Variants in SRL observed in about 807,000 individuals in gnomAD.
SRL encodes sarcalumenin.
SRL carries 23 observed loss-of-function variants against 39.5 expected under a neutral mutation model. The observed-to-expected ratio is 0.58, with a 90% CI of 0.42 to 0.82. SRL has a LOEUF of 0.82. Among genes scored for constraint, SRL ranks in the 40% least tolerant of loss-of-function variants. The pLI is 0.00. For missense variants in SRL, 592 were observed against 607.8 expected (o/e 0.97, Z 0.27); for synonymous variants, 272 against 237.4 (o/e 1.15, Z -1.34).
chr16:4,204,891 T>A (rs1160755899), intron 1 of SRL, among the ~76,000 whole-genome samples: 1 of 152,224 alleles, frequency 6.6e-6, no homozygotes, highest in African/African-American at 2.4e-5. Flanking sequence ...TTATTTCATA[T>A]ATTCAACAAA....
chr16:4,227,343 A>G (rs114481002), intron 1 of SRL, among the ~76,000 whole-genome samples: 3,170 of 149,842 alleles, frequency 0.021, 118 homozygotes, highest in African/African-American at 0.074. Flanking sequence ...GTGGATGGAC[A>G]GACAGATGGG....
At chr16:4,215,007 A>T (rs974285796) in intron 1 of SRL, among the ~76,000 whole-genome samples, 1 of 152,088 alleles carries the variant, frequency 6.6e-6, no homozygotes, top group Non-Finnish European at 1.5e-5. Context: ...ACCTCAGGTG[A>T]TCCACCCGCC....
chr16:4,217,072 G>C (rs2052469249), intron 1 of SRL, among the ~76,000 whole-genome samples: 3 of 152,302 alleles, frequency 2.0e-5, no homozygotes, highest in South Asian at 2.1e-4. Context: ...AGGGAAGCTG[G>C]AGGGAATCTT....
intron 3 of SRL, among the ~76,000 whole-genome samples, chr16:4,198,727 A>G (rs2052181885): frequency 1.3e-5 from 2 of 152,198 alleles, no homozygotes; most frequent in African/African-American, 2.4e-5. Context: ...GATTACAGCT[A>G]TGAACCATTG....
At chr16:4,231,350 C>G (rs1374694021) in intron 1 of SRL, among the ~76,000 whole-genome samples, 1 of 152,142 alleles carries the variant, frequency 6.6e-6, no homozygotes, top group Non-Finnish European at 1.5e-5. Flanking sequence ...AAGCTACTGA[C>G]TTTGTGGCAA....
At chr16:4,232,886 G>A (rs1311874615) in intron 1 of SRL, among the ~76,000 whole-genome samples, 1 of 152,208 alleles carries the variant, frequency 6.6e-6, no homozygotes, top group Non-Finnish European at 1.5e-5. Flanking sequence ...AGGACCGGGG[G>A]CTGCAGTTTT....
At chr16:4,232,097 T>C (rs1205378972) in intron 1 of SRL, among the ~76,000 whole-genome samples, 3 of 152,258 alleles carry the variant, frequency 2.0e-5, no homozygotes, top group South Asian at 2.1e-4. Flanking sequence ...TCTGCCTCTG[T>C]GTAGACAGCG....
chr16:4,214,769 A>G (rs888148312), intron 1 of SRL, among the ~76,000 whole-genome samples: 1 of 140,734 alleles, frequency 7.1e-6, no homozygotes, highest in Admixed American at 7.0e-5. Context: ...TTGCTCTTCC[A>G]CTTTTTTTTT....
chr16:4,221,695 G>A (rs1391166873), intron 1 of SRL, among the ~76,000 whole-genome samples: 1 of 152,234 alleles, frequency 6.6e-6, no homozygotes. Context: ...TATAAACTTA[G>A]TGGTGTAAAA....
At chr16:4,217,970 G>C (rs575295741) in intron 1 of SRL, among the ~76,000 whole-genome samples, 1 of 152,168 alleles carries the variant, frequency 6.6e-6, no homozygotes, top group Non-Finnish European at 1.5e-5. Context: ...CAGCTCAGGC[G>C]AGGAGCTGCA....
rs529178615 is a variant in SRL at position 4,213,803 on chromosome 16, T to G, written c.62-9169A>C. Among the ~76,000 whole-genome samples, 9 of 152,338 alleles carry G rather than the reference T, an allele frequency of 5.9e-5. No individual in the cohort carries two copies. In the South Asian group the frequency reaches 1.2e-3, roughly 21 times the overall value. On this transcript the variant is annotated intron_variant, in intron 1 of 5. Transcript: ENST00000399609. ...TCCATCTTTCCAAGGTAGTTTCCTG[T>G]GCTTATTCTTCTCTGATGCTCCTAG...
In SRL at chr16:4,192,464, T is replaced by C. The variant is rs772923118; in HGVS notation, c.1111A>G (p.Ile371Val). 8.7e-6 allele frequency: 14 copies of C among 1,614,062 alleles called. No homozygotes were observed. The highest frequency in any genetic ancestry group is 1.1e-5 in the Non-Finnish European group (13 of 1,180,044). ...TAGAATTTATCGGGATCTTCCACAATGTCCTTAAAGACCAGTTCTCCATCA... is the reference window on the plus strand; with the variant it reads ...TAGAATTTATCGGGATCTTCCACAACGTCCTTAAAGACCAGTTCTCCATCA... ...FSDGELVFKD[I>V]VEDPDKFYIF... is the part of the protein sequence containing the mutation. The change falls in exon 6 of 6, where the codon ATT becomes GTT. Residue 371 changes from isoleucine (I) to valine (V), a missense_variant. Physicochemically the swap from Ile to Val is conservative, Grantham distance 29. Coordinates refer to ENST00000399609, the MANE Select transcript of SRL (RefSeq NM_001098814.2). The surrounding 1 kb of genome is among the most constrained non-coding windows in gnomAD (Gnocchi z 4.0).
At chr16:4,200,890 A>G (rs2052218726) in intron 3 of SRL, among the ~76,000 whole-genome samples, 1 of 152,230 alleles carries the variant, frequency 6.6e-6, no homozygotes, top group African/African-American at 2.4e-5. Flanking sequence ...CCAGAGCATC[A>G]AATGAGATCA....
intron 1 of SRL, among the ~76,000 whole-genome samples, chr16:4,213,567 C>A (rs1219020220): frequency 6.6e-6 from 1 of 151,586 alleles, no homozygotes; most frequent in African/African-American, 2.4e-5. Context: ...TGTGCCACCA[C>A]ATCCAGCTGA....
intron 1 of SRL, among the ~76,000 whole-genome samples, chr16:4,219,838 G>C (rs117695927): frequency 6.6e-6 from 1 of 152,160 alleles, no homozygotes; most frequent in African/African-American, 2.4e-5. Context: ...TATTCCTGGC[G>C]TCAGCAGAGG....
In SRL at chr16:4,192,848, A is replaced by G. The variant is rs1440767223; in HGVS notation, c.727T>C (p.Leu243=). The G allele has an allele frequency of 1.9e-6, 3 of 1,614,082 alleles. No individual in the cohort carries two copies. The Admixed American group carries it at 5.0e-5, about 27-fold the overall frequency. ...GLELEMLFRQ[L]KGRESQIRII... ...CTTATCTGGGATTCACGCCCCTTCA[A>G]CTGGCGGAAGAGCATCTCCAGCTCT... Residue 243 remains leucine (L), a synonymous_variant, in exon 6 of 6, where the codon TTG becomes CTG. Coordinates refer to ENST00000399609, the MANE Select transcript of SRL (RefSeq NM_001098814.2). This position sits in a 1 kb window ranked among gnomAD's most constrained non-coding sequence, Gnocchi z 4.0.
At chr16:4,204,434 G>GCCCCGGCCTCCAAGATACAA (rs1484300723) in intron 2 of SRL, 99 bp downstream of exon 2, 3 of 1,101,834 alleles carry the variant, frequency 2.7e-6, no homozygotes, top group Non-Finnish European at 4.1e-6. Flanking sequence ...CCAAGATACA[G>GCCCCGGCCTCCAAGATACAA]CCCCGGCACG....
chr16:4,207,418 C>T (rs1477172352), intron 1 of SRL: 1 of 456,748 alleles, frequency 2.2e-6, no homozygotes, highest in Admixed American at 2.3e-5. Context: ...TCCGACTCTC[C>T]CCCAACAGCC....
chr16:4,192,629 C>G lies in SRL; in HGVS notation c.946G>C (p.Glu316Gln). 1 of 1,614,042 alleles carries G rather than the reference C, an allele frequency of 6.2e-7. No individual in the cohort carries two copies. Among genetic ancestry groups the G allele is most frequent in the Non-Finnish European group, 8.5e-7 (1 of 1,179,976 alleles). The change falls in exon 6 of 6, where the codon GAA becomes CAA. Residue 316 changes from glutamate to glutamine, a missense_variant. Transcript: ENST00000399609. This position sits in a 1 kb window ranked among gnomAD's most constrained non-coding sequence, Gnocchi z 4.0. ...TTCTCGATCACCTGATTCAGGTCTT[C>G]TAGGAGGGAGATCTCTTCTTGGAGG... The part of the protein sequence containing the change: ...LFLQEEISLL[E>Q]DLNQVIENRL...
Sources: gnomAD v4.1 joint callset for allele counts (sites outside exome capture counted in the v4.1 genomes callset) on GRCh38, gnomAD v4.1.1 for gene constraint, Gnocchi (gnomAD v3.1) non-coding constraint, MANE v1.5 for transcripts, NCBI Gene and HGNC (gene_info 2026-07-23, HGNC 2026-07-21) for gene names.